The following PDE4D variants were observed in gnomAD, a reference collection of about 807,000 sequenced individuals.
PDE4D encodes the protein phosphodiesterase 4D, also known as 3',5'-cyclic-AMP phosphodiesterase 4D.
A neutral mutation model predicts 87.4 loss-of-function variants in PDE4D; 24 were observed. That is an observed-to-expected ratio of 0.27 (90% CI 0.20 to 0.39). The LOEUF (loss-of-function observed/expected upper bound fraction) is 0.39, where lower values mean the gene tolerates loss of function less well. Ranked by LOEUF, PDE4D falls within the 10% of genes least tolerant of loss-of-function variation. PDE4D has a pLI of 1.00. For synonymous variants in PDE4D, 384 were observed against 383.2 expected, an observed-to-expected ratio of 1.00 and a Z score of -0.02; for missense variants, 714 against 1,041.0, an observed-to-expected ratio of 0.69 and a Z score of 4.32.
intron 1 of PDE4D, among the ~76,000 whole-genome samples, chr5:60,203,600 T>C (rs1583061434): frequency 6.6e-6 from 1 of 152,360 alleles, no homozygotes; most frequent in Non-Finnish European, 1.5e-5. Context: ...ACGTGGGCTA[T>C]TTCTATCAAA....
intron 7 of PDE4D, among the ~76,000 whole-genome samples, chr5:58,992,731 A>G (rs1046230177): frequency 2.0e-5 from 3 of 152,134 alleles, no homozygotes; most frequent in Non-Finnish European, 4.4e-5. Flanking sequence ...AGCAACTCTA[A>G]CTCATCCTTA....
intron 1 of PDE4D, among the ~76,000 whole-genome samples, chr5:60,243,660 G>A (rs1445417572): frequency 6.6e-6 from 1 of 151,828 alleles, no homozygotes; most frequent in Non-Finnish European, 1.5e-5. Flanking sequence ...AGTTCAACAT[G>A]TGCAACTCAA....
intron 1 of PDE4D, among the ~76,000 whole-genome samples, chr5:59,702,869 CAAAAAAAA>C (rs71604798): frequency 2.9e-5 from 2 of 69,816 alleles, no homozygotes; most frequent in African/African-American, 1.2e-4. Flanking sequence ...GACCCTGTCT[CAAAAAAAA>C]AAAAAAAAAA....
intron 4 of PDE4D, among the ~76,000 whole-genome samples, chr5:59,181,046 C>T (rs937517011): frequency 2.6e-5 from 4 of 152,136 alleles, no homozygotes; most frequent in South Asian, 4.1e-4. Context: ...CCTAAATTCT[C>T]GTGATTGCCT....
At chr5:60,075,714 ATTT>A (rs1290195670) in intron 2 of PDE4D, among the ~76,000 whole-genome samples, 1 of 151,590 alleles carries the variant, frequency 6.6e-6, no homozygotes, top group Non-Finnish European at 1.5e-5. Flanking sequence ...CCTTTTTATT[ATTT>A]TTTCTTTATT....
chr5:59,415,812 T>G (rs2153623831), intron 1 of PDE4D, among the ~76,000 whole-genome samples: 1 of 152,290 alleles, frequency 6.6e-6, no homozygotes, highest in Admixed American at 6.5e-5. Context: ...AAATAAAATA[T>G]ATCCTTGAAA....
At position 60,414,682 on chromosome 5, in the gene PDE4D, G is replaced by T. The variant is rs138128969; in HGVS notation, c.-90+73260C>A. ...AGGTATCTGGAGTAAACCAATCCTA[G>T]CTATTTTCTGAACTCTTTCTTTTAA... On this transcript the variant is annotated intron_variant, in intron 1 of 16. Coordinates refer to the PDE4D transcript ENST00000502484. Among the ~76,000 whole-genome samples, 61 of 151,894 alleles carry T rather than the reference G, an allele frequency of 4.0e-4. 1 individual carries two copies. The highest frequency in any genetic ancestry group is 1.5e-3 in the African/African-American group (60 of 41,190).
intron 2 of PDE4D, among the ~76,000 whole-genome samples, chr5:60,116,255 C>A (rs1016873916): frequency 2.6e-5 from 4 of 152,028 alleles, no homozygotes; most frequent in Non-Finnish European, 5.9e-5. Context: ...CACAGACCAA[C>A]CTAGATGGTG....
intron 2 of PDE4D, among the ~76,000 whole-genome samples, chr5:60,119,826 G>T (rs80218286): frequency 0.05 from 7,627 of 152,218 alleles, 605 homozygotes; most frequent in African/African-American, 0.17. Flanking sequence ...GGTACATTCA[G>T]ATGTAAATAA....
chr5:59,180,752 A>G, intron 4 of PDE4D, 108 bp from the exon 5 acceptor site: 9 of 1,058,470 alleles, frequency 8.5e-6, no homozygotes, highest in Non-Finnish European at 1.3e-5. Context: ...ATTATTTTTA[A>G]GTTTGGACAC....
intron 2 of PDE4D, among the ~76,000 whole-genome samples, chr5:60,103,268 G>A (rs1776436406): frequency 6.6e-6 from 1 of 152,176 alleles, no homozygotes. Context: ...CAAAACAAAT[G>A]ATGATGATGG....
At chr5:59,927,435 T>C (rs1466188182) in intron 3 of PDE4D, among the ~76,000 whole-genome samples, 2 of 152,214 alleles carry the variant, frequency 1.3e-5, no homozygotes, top group Non-Finnish European at 2.9e-5. Context: ...CACTGCAGCA[T>C]AGTTTGAAAA....
intron 6 of PDE4D, among the ~76,000 whole-genome samples, chr5:59,025,062 A>G (rs1414491284): frequency 6.6e-6 from 1 of 152,124 alleles, no homozygotes; most frequent in Non-Finnish European, 1.5e-5. Context: ...TCCTAAACCT[A>G]TCTTAATTTT....
chr5:60,153,488 A>G (rs992507072), intron 2 of PDE4D, among the ~76,000 whole-genome samples: 1 of 152,210 alleles, frequency 6.6e-6, no homozygotes, highest in Non-Finnish European at 1.5e-5. Flanking sequence ...TAAAAATAGA[A>G]CTACCATATG....
chr5:60,011,229 T>C (rs111906089), intron 2 of PDE4D, among the ~76,000 whole-genome samples: 1,825 of 152,184 alleles, frequency 0.012, 13 homozygotes, highest in Non-Finnish European at 0.02. Context: ...GTCAGCACTA[T>C]TGAGAGTGAG....
At chr5:58,992,978 C>T (rs1041873634) in intron 7 of PDE4D, among the ~76,000 whole-genome samples, 22 of 152,208 alleles carry the variant, frequency 1.4e-4, no homozygotes, top group African/African-American at 4.8e-4. Context: ...GTACACAAGA[C>T]GGTAAATTCA....
chr5:59,455,168 G>A (rs1021272732), intron 1 of PDE4D, among the ~76,000 whole-genome samples: 1 of 152,206 alleles, frequency 6.6e-6, no homozygotes, highest in African/African-American at 2.4e-5. Flanking sequence ...CCAAGACAAC[G>A]AGGAAAATGT....
intron 1 of PDE4D, among the ~76,000 whole-genome samples, chr5:59,322,896 G>A (rs1471911841): frequency 6.6e-6 from 1 of 152,146 alleles, no homozygotes; most frequent in African/African-American, 2.4e-5. Context: ...TGACCCATTA[G>A]TAGGACTATG....
chr5:58,977,471 C>T, intron 11 of PDE4D, 126 bp from the exon 12 acceptor site: 2 of 773,742 alleles, frequency 2.6e-6, no homozygotes, highest in East Asian at 2.5e-5. Flanking sequence ...CATTACCTGA[C>T]AATATCCAGG....
Sources: gnomAD v4.1 joint callset for allele counts (sites outside exome capture counted in the v4.1 genomes callset) on GRCh38, gnomAD v4.1.1 for gene constraint, MANE v1.5 for transcripts, NCBI Gene and HGNC (gene_info 2026-07-23, HGNC 2026-07-21) for gene names.